RCC1L: variants seen among roughly 807,000 people sequenced by gnomAD.
RCC1L encodes RCC1-like G exchanging factor-like protein.
RCC1L carries 46 observed loss-of-function variants against 58.6 expected under a neutral mutation model. That is an observed-to-expected ratio of 0.79 (90% confidence interval 0.62 to 1.00). RCC1L has a LOEUF of 1.00. Ranked by LOEUF, RCC1L falls within the 50% of genes least tolerant of loss-of-function variation. RCC1L has a pLI of 0.00. For missense variants in RCC1L, 636 were observed against 623.6 expected, an observed-to-expected ratio of 1.02 and a Z score of -0.21; for synonymous variants, 281 against 262.9, an observed-to-expected ratio of 1.07 and a Z score of -0.67.
chr7:75,064,599 G>T lies in RCC1L; in HGVS notation c.633C>A (p.Val211=). The change falls in exon 4 of 11, where the codon GTC becomes GTA. Residue 211 remains valine, a synonymous_variant. Coordinates refer to ENST00000610322, the MANE Select transcript of RCC1L (RefSeq NM_030798.5). ...NSYGQCGRKV[V]ENEIYSESHR... ...GAACTCACCTGTAAATTTCATTTTC[G>T]ACCACCTTTCTTCCACATTGCCCAT... 1 of 1,613,666 alleles carries T rather than the reference G, an allele frequency of 6.2e-7. No individual in the cohort carries two copies. The highest frequency in any genetic ancestry group is 1.1e-5 in the South Asian group (1 of 91,022).
At chr7:75,039,091 C>T (rs1584486618), downstream of RCC1L, among the ~76,000 whole-genome samples, 1 of 152,212 alleles carries the variant, frequency 6.6e-6, no homozygotes. Context: ...CTGCCTGTCT[C>T]GGACCCCCGA....
Position 75,052,794 on chromosome 7 carries a change from T to C in RCC1L, c.1234A>G (p.Lys412Glu). ...TTGCCCCATACAAACAGCTCTCCTT[T>C]GTCTGCAAAGGGAGGAAAACAGGGG... ...GLSHFAALTN[K>E]GELFVWGKNI... Residue 412 changes from lysine (K) to glutamate (E), a missense_variant and splice_region_variant, in exon 10 of 11, where the codon AAA becomes GAA. Physicochemically the swap from Lys to Glu is moderately conservative, Grantham distance 56. Transcript: ENST00000610322. 6.2e-7 allele frequency: 1 copy of C among 1,612,622 alleles called. No individual in the cohort carries two copies. The highest frequency in any genetic ancestry group is 8.5e-7 in the Non-Finnish European group (1 of 1,179,488).
In RCC1L at chr7:75,050,142, C is replaced by T. The variant is rs1013143747; in HGVS notation, c.1317+2569G>A. 1.1e-3 allele frequency among the ~76,000 whole-genome samples: 162 copies of T among 151,426 alleles called. 1 individual carries two copies. The highest frequency in any genetic ancestry group is 3.8e-3 in the African/African-American group (156 of 41,276). On this transcript the variant is annotated intron_variant, in intron 10 of 10. Transcript: ENST00000610322. Reference sequence around the variant, plus strand: ...GTTTAAAAAGCAAATGATAGCCAGGCGTCGTGGCATGCACCTGTAATCCCA... The same window carrying T: ...GTTTAAAAAGCAAATGATAGCCAGGTGTCGTGGCATGCACCTGTAATCCCA...
intron 10 of RCC1L, among the ~76,000 whole-genome samples, chr7:75,043,734 G>C (rs1286408825): frequency 6.6e-6 from 1 of 152,172 alleles, no homozygotes; most frequent in Non-Finnish European, 1.5e-5. Flanking sequence ...AGAATTGCTT[G>C]AACCCAGGAG....
Position 75,059,147 on chromosome 7 carries a change from T to TCA in RCC1L, c.788-380_788-379dup, listed in dbSNP as rs1473922410. ...GGTGGAGGTTCCAGTTAAGCCAAGA[T>TCA]CACACCACTGCACTCCAGCCTTGGC... On this transcript the variant is annotated intron_variant, in intron 6 of 10. Coordinates refer to ENST00000610322, the MANE Select transcript of RCC1L (RefSeq NM_030798.5). Among the ~76,000 whole-genome samples the TCA allele has an allele frequency of 1.2e-4, 15 of 120,246 alleles. No individual in the cohort carries two copies. In the East Asian group the frequency reaches 3.7e-3, roughly 30 times the overall value. The allele number at this position is 120,246 out of a possible 152,430, so 78.9% of individuals were successfully genotyped here.
intron 10 of RCC1L, among the ~76,000 whole-genome samples, chr7:75,029,489 ACC>A (rs1805239197): frequency 6.6e-6 from 1 of 150,680 alleles, no homozygotes; most frequent in South Asian, 2.1e-4. Flanking sequence ...GATTACAGGC[ACC>A]CACCACCACG....
At chr7:75,037,051 T>C (rs1805445398) in intron 10 of RCC1L, among the ~76,000 whole-genome samples, 1 of 152,178 alleles carries the variant, frequency 6.6e-6, no homozygotes, top group South Asian at 2.1e-4. Context: ...CGTGACTTCA[T>C]GTGCTCCACT....
intron 10 of RCC1L, among the ~76,000 whole-genome samples, chr7:75,043,422 G>A (rs1211882354): frequency 1.3e-5 from 2 of 152,242 alleles, no homozygotes; most frequent in Admixed American, 6.5e-5. Context: ...GAGAGGGCAT[G>A]TCGGGCAGGA....
At position 75,058,674 on chromosome 7, in the gene RCC1L, A is replaced by G; in HGVS notation, c.883T>C (p.Cys295Arg). 2 of 1,614,008 alleles carry G rather than the reference A, an allele frequency of 1.2e-6. No individual in the cohort carries two copies. Among genetic ancestry groups the G allele is most frequent in the Non-Finnish European group, 1.7e-6 (2 of 1,179,868 alleles). ...VIQVATYGDCCLAVSADGGLF... is the reference protein window; with the variant it reads ...VIQVATYGDCRLAVSADGGLF... ...CCTCCGTCGGCGGACACGGCCAGGC[A>G]GCAATCACCGTAGGTGGCAACTTGG... Residue 295 changes from cysteine to arginine, a missense_variant, in exon 7 of 11, where the codon TGC becomes CGC. Cys to Arg is a radical substitution (Grantham distance 180). Coordinates refer to ENST00000610322, the MANE Select transcript of RCC1L (RefSeq NM_030798.5).
At position 75,066,753 on chromosome 7, in the gene RCC1L, G is replaced by A. The variant is rs2132008119; in HGVS notation, c.494C>T (p.Ser165Phe). The A allele has an allele frequency of 6.2e-7, 1 of 1,613,230 alleles. No individual in the cohort carries two copies. Among genetic ancestry groups the A allele is most frequent in the East Asian group, 2.2e-5 (1 of 44,844 alleles). ...CTCCTGAGGTCTGTCCAGAGGCAGG[G>A]AGACGGGTGAGGGCTCCAACACATA... is the stretch of plus-strand genomic sequence containing the variant. Reference protein sequence around the residue: ...YEYVLEPSPVSLPLDRPQETR... With the variant: ...YEYVLEPSPVFLPLDRPQETR... Residue 165 changes from serine (S) to phenylalanine (F), a missense_variant, in exon 3 of 11, where the codon TCC becomes TTC. By Grantham distance (155) the Ser-to-Phe change is radical. Transcript: ENST00000610322.
At chr7:75,048,382 G>A (rs1349797648) in intron 10 of RCC1L, among the ~76,000 whole-genome samples, 1 of 152,152 alleles carries the variant, frequency 6.6e-6, no homozygotes, top group Non-Finnish European at 1.5e-5. Flanking sequence ...GACCCCACCG[G>A]TCCTGACCTG....
chr7:75,043,083 G>C lies in RCC1L; in HGVS notation c.1344C>G (p.Asp448Glu). 2 of 1,614,030 alleles carry C rather than the reference G, an allele frequency of 1.2e-6. No homozygotes were observed. Among genetic ancestry groups the C allele is most frequent in the Non-Finnish European group, 1.7e-6 (2 of 1,179,872 alleles). Reference protein sequence around the residue: ...WRVTMPGEPVDVACGVDHMVT... With the variant: ...WRVTMPGEPVEVACGVDHMVT... The stretch of plus-strand genomic sequence containing the variant: ...CCATGTGGTCCACGCCACATGCCAC[G>C]TCCACAGGCTCCCCAGGCATCGTCA... The change falls in exon 11 of 11, where the codon GAC becomes GAG. Residue 448 changes from aspartate (D) to glutamate (E), a missense_variant. Asp to Glu is a conservative substitution (Grantham distance 45). Coordinates refer to ENST00000610322, the MANE Select transcript of RCC1L (RefSeq NM_030798.5).
intron 10 of RCC1L, among the ~76,000 whole-genome samples, chr7:75,045,228 A>T (rs1805683637): frequency 6.6e-6 from 1 of 151,780 alleles, no homozygotes; most frequent in South Asian, 2.1e-4. Context: ...CCGAGGCTGG[A>T]TTATAGAGAC....
chr7:75,053,666 A>T (rs1042618980), intron 9 of RCC1L, among the ~76,000 whole-genome samples: 22 of 152,182 alleles, frequency 1.4e-4, no homozygotes, highest in Non-Finnish European at 5.9e-5. Context: ...GGCCTCTCCT[A>T]GCCCGGCCTT....
At chr7:75,027,886 G>T in exon 11 of RCC1L, 2 of 921,712 alleles carry the variant, frequency 2.2e-6, no homozygotes, top group Non-Finnish European at 3.4e-6. Context: ...GTCTGCCCTT[G>T]TCCCCCAGCT....
intron 4 of RCC1L, 107 bp from the exon 5 acceptor site, chr7:75,063,450 C>T: frequency 8.6e-7 from 1 of 1,165,660 alleles, no homozygotes; most frequent in Non-Finnish European, 1.3e-6. Flanking sequence ...TCCGCTCACA[C>T]AGTAACTGTT....
chr7:75,036,825 C>T (rs1473814248), intron 10 of RCC1L, among the ~76,000 whole-genome samples: 8 of 152,106 alleles, frequency 5.3e-5, no homozygotes, highest in African/African-American at 1.9e-4. Context: ...ACTTGAACCA[C>T]CCAAAAGGCA....
chr7:75,048,468 C>T (rs1805812660), intron 10 of RCC1L, among the ~76,000 whole-genome samples: 1 of 152,232 alleles, frequency 6.6e-6, no homozygotes, highest in African/African-American at 2.4e-5. Flanking sequence ...AGCTCAGGGG[C>T]CGTGAGACCT....
downstream of RCC1L, among the ~76,000 whole-genome samples, chr7:75,037,745 G>A (rs71539257): frequency 0.11 from 16,078 of 151,404 alleles, 1,021 homozygotes; most frequent in Middle Eastern, 0.3. Flanking sequence ...TCCTGACCTC[G>A]TGATCAGCCC....
Sources: gnomAD v4.1 joint callset for allele counts (sites outside exome capture counted in the v4.1 genomes callset) on GRCh38, gnomAD v4.1.1 for gene constraint, MANE v1.5 for transcripts, NCBI Gene and HGNC (gene_info 2026-07-23, HGNC 2026-07-21) for gene names.